PDGFD: variants seen among roughly 807,000 people sequenced by gnomAD.
PDGFD encodes the protein platelet-derived growth factor D.
A neutral mutation model predicts 44.7 loss-of-function variants in PDGFD; 30 were observed. The ratio of observed to expected loss-of-function variants is 0.67; its 90% CI spans 0.50 to 0.91. The LOEUF (loss-of-function observed/expected upper bound fraction) is 0.91, where lower values mean the gene tolerates loss of function less well. Ranked by LOEUF, PDGFD falls within the 40% of genes least tolerant of loss-of-function variation. The pLI is 0.00. For missense variants in PDGFD, 445 were observed against 457.8 expected (o/e 0.97, Z 0.25); for synonymous variants, 173 against 168.4 (o/e 1.03, Z -0.21).
intron 1 of PDGFD, among the ~76,000 whole-genome samples, chr11:104,042,043 C>T (rs562811663): frequency 7.9e-5 from 12 of 152,214 alleles, no homozygotes; most frequent in Admixed American, 7.9e-4. Context: ...GCCAACATTC[C>T]TAGTTATTCT....
At chr11:104,142,907 G>A (rs1270545886) in intron 1 of PDGFD, among the ~76,000 whole-genome samples, 8 of 152,156 alleles carry the variant, frequency 5.3e-5, no homozygotes, top group Non-Finnish European at 5.9e-5. Flanking sequence ...GTCTGAGTGA[G>A]GCGAGTAAAT....
intron 3 of PDGFD, among the ~76,000 whole-genome samples, chr11:103,985,563 T>C (rs1207053837): frequency 2.0e-5 from 3 of 151,742 alleles, no homozygotes; most frequent in Non-Finnish European, 4.4e-5. Context: ...CTTGAATTCT[T>C]AAGGAAATAT....
Position 104,106,395 on chromosome 11 carries a change from A to G in PDGFD, c.124+57409T>C, listed in dbSNP as rs534945539. On this transcript the variant is annotated intron_variant, in intron 1 of 6. Coordinates refer to ENST00000393158, the MANE Select transcript of PDGFD (RefSeq NM_025208.5). The stretch of plus-strand genomic sequence containing the variant: ...TAATTTTTTCAGAGACAAGATTACT[A>G]CCTGTGCATCAGCATAACTTCCAGT... Among the ~76,000 whole-genome samples, 8 of 152,066 alleles carry G rather than the reference A, an allele frequency of 5.3e-5. No homozygotes were observed. In the South Asian group the frequency reaches 1.5e-3, roughly 28 times the overall value.
At chr11:103,937,534 CTGTTT>C (rs1024205838) in intron 5 of PDGFD, among the ~76,000 whole-genome samples, 10 of 151,616 alleles carry the variant, frequency 6.6e-5, no homozygotes, top group East Asian at 1.9e-4. Context: ...TATGTTTTTT[CTGTTT>C]TGTTTTGTTT....
intron 1 of PDGFD, among the ~76,000 whole-genome samples, chr11:104,091,641 A>T (rs1170931520): frequency 6.6e-6 from 1 of 152,222 alleles, no homozygotes; most frequent in African/African-American, 2.4e-5. Context: ...CCCTTCAATG[A>T]GGCCTAAGCG....
intron 3 of PDGFD, among the ~76,000 whole-genome samples, chr11:103,972,833 T>C (rs1214140610): frequency 1.3e-5 from 2 of 152,200 alleles, no homozygotes; most frequent in Non-Finnish European, 2.9e-5. Context: ...ATGGGAATAT[T>C]GTATGGAGAA....
chr11:104,039,421 C>T (rs11824542), intron 1 of PDGFD, among the ~76,000 whole-genome samples: 11,735 of 151,996 alleles, frequency 0.077, 600 homozygotes, highest in Middle Eastern at 0.14. Flanking sequence ...AAAAAAATAA[C>T]TCTCCCTTAT....
intron 1 of PDGFD, among the ~76,000 whole-genome samples, chr11:104,161,060 C>T (rs1862381510): frequency 6.6e-6 from 1 of 152,166 alleles, no homozygotes; most frequent in African/African-American, 2.4e-5. Context: ...TTCATCCCAA[C>T]ATTAAGCAGC....
intron 1 of PDGFD, among the ~76,000 whole-genome samples, chr11:104,003,912 C>T (rs1472429740): frequency 6.6e-6 from 1 of 152,062 alleles, no homozygotes; most frequent in Admixed American, 6.6e-5. Context: ...GGGAAGGAAG[C>T]TGTGTGTAAG....
chr11:104,049,273 C>T (rs983561234), intron 1 of PDGFD, among the ~76,000 whole-genome samples: 2 of 152,032 alleles, frequency 1.3e-5, no homozygotes, highest in Non-Finnish European at 2.9e-5. Flanking sequence ...GAGGAAGAAC[C>T]TGGATGATGA....
At chr11:104,095,048 C>T (rs1861264110) in intron 1 of PDGFD, among the ~76,000 whole-genome samples, 1 of 152,040 alleles carries the variant, frequency 6.6e-6, no homozygotes, top group Admixed American at 6.6e-5. Context: ...CTGGTAGGTG[C>T]CTGTATATGG....
intron 6 of PDGFD, among the ~76,000 whole-genome samples, chr11:103,915,203 G>A (rs1018051642): frequency 2.0e-5 from 3 of 152,158 alleles, no homozygotes; most frequent in African/African-American, 4.8e-5. Context: ...AAACCCCATC[G>A]TCTCAGGCCA....
Position 103,927,001 on chromosome 11 carries a change from G to A in PDGFD, c.898C>T (p.Gln300Ter). 6.2e-7 allele frequency: 1 copy of A among 1,614,204 alleles called. No homozygotes were observed. Among genetic ancestry groups the A allele is most frequent in the East Asian group, 2.2e-5 (1 of 44,880 alleles). Residue 300 changes from glutamine (Q) to a stop codon, truncating the protein, a stop_gained, in exon 6 of 7, where the codon CAG becomes TAG. Transcript: ENST00000393158. LOFTEE classifies it high-confidence loss of function. ...CAGCCACAATTTCCTCCACAGCGCT[G>A]CACGAGGAGGCAACGTGGAAAGAAG... ...VVFFPRCLLV[Q>*]RCGGNCGCGT...
At chr11:104,017,334 T>C (rs1859873222) in intron 1 of PDGFD, among the ~76,000 whole-genome samples, 1 of 151,372 alleles carries the variant, frequency 6.6e-6, no homozygotes, top group African/African-American at 2.4e-5. Context: ...TTAACATTCC[T>C]TGGGTGTTTT....
At chr11:103,959,637 A>G (rs1858907525) in intron 3 of PDGFD, among the ~76,000 whole-genome samples, 2 of 152,336 alleles carry the variant, frequency 1.3e-5, no homozygotes, top group African/African-American at 4.8e-5. Flanking sequence ...CTGAGTGCCA[A>G]GCACACAGGT....
At chr11:104,143,235 C>T (rs1165520460) in intron 1 of PDGFD, among the ~76,000 whole-genome samples, 1 of 152,128 alleles carries the variant, frequency 6.6e-6, no homozygotes, top group South Asian at 2.1e-4. Context: ...ATAAGGAAGA[C>T]CTCTCTATAA....
At chr11:104,162,165 T>G (rs80356297) in intron 1 of PDGFD, among the ~76,000 whole-genome samples, 1 of 150,062 alleles carries the variant, frequency 6.7e-6, no homozygotes, top group East Asian at 2.0e-4. Context: ...AAAAAAAACC[T>G]GCTGAGCTAC....
chr11:104,120,952 T>A (rs1308838088), intron 1 of PDGFD, among the ~76,000 whole-genome samples: 4 of 152,048 alleles, frequency 2.6e-5, no homozygotes, highest in Non-Finnish European at 5.9e-5. Flanking sequence ...CAGAGTCTTT[T>A]ACGTAGCAGG....
At chr11:103,972,585 T>C (rs1859120052) in intron 3 of PDGFD, among the ~76,000 whole-genome samples, 1 of 152,140 alleles carries the variant, frequency 6.6e-6, no homozygotes, top group African/African-American at 2.4e-5. Context: ...TTTTGTGAGC[T>C]TCAACAAGAA....
Sources: gnomAD v4.1 joint callset for allele counts (sites outside exome capture counted in the v4.1 genomes callset) on GRCh38, gnomAD v4.1.1 for gene constraint, MANE v1.5 for transcripts, NCBI Gene and HGNC (gene_info 2026-07-23, HGNC 2026-07-21) for gene names.